Variants in RBBP5 observed in about 807,000 individuals in gnomAD.
The protein encoded by RBBP5 is retinoblastoma-binding protein 5.
RBBP5 carries 5 observed loss-of-function variants against 72.2 expected under a neutral mutation model. The ratio of observed to expected loss-of-function variants is 0.07; its 90% CI spans 0.04 to 0.15. RBBP5 has a LOEUF of 0.15. RBBP5 is among the 10% of genes least tolerant of loss of function. The pLI is 1.00. For synonymous variants in RBBP5, 209 were observed against 237.2 expected, an observed-to-expected ratio of 0.88 and a Z score of 1.09; for missense variants, 322 against 652.2, an observed-to-expected ratio of 0.49 and a Z score of 5.51.
chr1:205,112,601 A>ATGAATGAAT (rs1169354552), intron 3 of RBBP5, among the ~76,000 whole-genome samples: 2 of 152,180 alleles, frequency 1.3e-5, no homozygotes, highest in African/African-American at 4.8e-5. Flanking sequence ...GAATAAATGA[A>ATGAATGAAT]TGAATGAATA....
chr1:205,105,149 T>C lies in RBBP5; in HGVS notation c.238A>G (p.Lys80Glu). 1.2e-6 allele frequency: 2 copies of C among 1,612,670 alleles called. No individual in the cohort carries two copies. The highest frequency in any genetic ancestry group is 1.7e-6 in the Non-Finnish European group (2 of 1,179,364). ...TTATCAGTGGAAGCACTCACGAGTT[T>C]ATGACCATCTCGGCTCCAGCTGAGG... ...CSLCWSRDGH[K>E]LVSASTDNIV... Residue 80 changes from lysine (K) to glutamate (E), a missense_variant, in exon 4 of 14, where the codon AAA (lysine) becomes GAA (glutamate). Lys to Glu is a moderately conservative substitution (Grantham distance 56). This residue lies in a region of RBBP5 where 161 missense variants were observed against 327.8 expected (regional missense o/e 0.49). Transcript: ENST00000264515.
At chr1:205,104,231 AAAGT>A (rs1655959505) in intron 4 of RBBP5, among the ~76,000 whole-genome samples, 1 of 152,216 alleles carries the variant, frequency 6.6e-6, no homozygotes, top group African/African-American at 2.4e-5. Flanking sequence ...TCATTAAAAA[AAAGT>A]AAGAGGCCAG....
At chr1:205,103,764 CAAG>C in intron 5 of RBBP5, 90 bp downstream of exon 5, 3 of 1,465,324 alleles carry the variant, frequency 2.0e-6, no homozygotes, top group Non-Finnish European at 2.8e-6. Flanking sequence ...GTGCTTAGTC[CAAG>C]AATAAAAACA....
intron 3 of RBBP5, among the ~76,000 whole-genome samples, chr1:205,106,128 A>G (rs1228735771): frequency 6.6e-6 from 1 of 152,220 alleles, no homozygotes; most frequent in Non-Finnish European, 1.5e-5. Context: ...CTTCCCAGAC[A>G]GGATGTTATC....
At chr1:205,118,043 C>G (rs1656594604) in intron 1 of RBBP5, among the ~76,000 whole-genome samples, 1 of 151,890 alleles carries the variant, frequency 6.6e-6, no homozygotes, top group African/African-American at 2.4e-5. Flanking sequence ...CTCCTGACCT[C>G]AGGTGATCCA....
At chr1:205,103,250 T>C (rs1023733604) in intron 5 of RBBP5, among the ~76,000 whole-genome samples, 1 of 134,680 alleles carries the variant, frequency 7.4e-6, no homozygotes, top group Non-Finnish European at 1.6e-5. Context: ...AAAGGAAAAA[T>C]TGCCTTTCTA....
At position 205,121,908 on chromosome 1, in the gene RBBP5, G is replaced by GA; in HGVS notation, c.-36_-35insT. 6.2e-7 allele frequency: 1 copy of GA among 1,608,258 alleles called. No homozygotes were observed. The highest frequency in any genetic ancestry group is 8.5e-7 in the Non-Finnish European group (1 of 1,179,886). On this transcript the variant is annotated 5_prime_UTR_variant, in exon 1 of 14. Transcript: ENST00000264515. ...CTGTGGCCGCCCGGTCTCAGCTCCGGCAACAACACCTTCTCCCCGGCCGGC... is the reference window on the plus strand; with the variant it reads ...CTGTGGCCGCCCGGTCTCAGCTCCGGACAACAACACCTTCTCCCCGGCCGGC...
At chr1:205,101,214 A>G (rs1312755644) in intron 6 of RBBP5, among the ~76,000 whole-genome samples, 5 of 152,216 alleles carry the variant, frequency 3.3e-5, no homozygotes, top group Non-Finnish European at 5.9e-5. Context: ...CTAACTAGGT[A>G]ACCAAACCTA....
At chr1:205,097,012 G>A in intron 11 of RBBP5, 101 bp from the exon 12 acceptor site, 1 of 1,037,794 alleles carries the variant, frequency 9.6e-7, no homozygotes. Flanking sequence ...TAAGCAACAG[G>A]TATGGATCTA....
chr1:205,121,978 C>G lies in RBBP5; in HGVS notation c.-105G>C, dbSNP rs1656756838. 1 of 1,539,284 alleles carries G rather than the reference C, an allele frequency of 6.5e-7. No individual in the cohort carries two copies. Among genetic ancestry groups the G allele is most frequent in the Non-Finnish European group, 8.8e-7 (1 of 1,134,834 alleles). Reference sequence around the variant, plus strand: ...GTGGTGGACGCCGCGAAGAGACTGGCGCAAGCTCCGAAGACTTTCGGCCTT... The same window carrying G: ...GTGGTGGACGCCGCGAAGAGACTGGGGCAAGCTCCGAAGACTTTCGGCCTT... On this transcript the variant is annotated 5_prime_UTR_variant, in exon 1 of 14. Coordinates refer to ENST00000264515, the MANE Select transcript of RBBP5 (RefSeq NM_005057.4).
Position 205,099,959 on chromosome 1 carries a change from C to T in RBBP5, c.858G>A (p.Leu286=). 6.2e-7 allele frequency: 1 copy of T among 1,614,152 alleles called. No homozygotes were observed. Among genetic ancestry groups the T allele is most frequent in the African/African-American group, 1.3e-5 (1 of 75,044 alleles). The change falls in exon 8 of 14, where the codon CTG becomes CTA. Residue 286 remains leucine, a synonymous_variant. Transcript: ENST00000264515. The surrounding 1 kb of genome is among the most constrained non-coding windows in gnomAD (Gnocchi z 4.7). ...LYIWEKSIGN[L]VKILHGTRGE... is the part of the protein sequence containing the mutation. ...CTCTCGTCCCATGGAGAATCTTCAC[C>T]AGGTTGCCAATGCTCTTCTCCCAGA...
At chr1:205,111,874 A>G (rs905079882) in intron 3 of RBBP5, among the ~76,000 whole-genome samples, 3 of 151,816 alleles carry the variant, frequency 2.0e-5, no homozygotes, top group African/African-American at 7.2e-5. Flanking sequence ...CTCTTGTCAT[A>G]TCGTATGTCC....
chr1:205,090,684 A>G (rs1655309958), intron 13 of RBBP5, among the ~76,000 whole-genome samples: 1 of 152,208 alleles, frequency 6.6e-6, no homozygotes, highest in Non-Finnish European at 1.5e-5. Flanking sequence ...ATTCAGCTCA[A>G]AATGACCAGC....
rs1055391210 is a variant in RBBP5 at position 205,086,364 on chromosome 1, G to C, written c.*2423C>G. 1 of 151,324 alleles carries C rather than the reference G, an allele frequency of 6.6e-6. No individual in the cohort carries two copies. The highest frequency in any genetic ancestry group is 2.4e-5 in the African/African-American group (1 of 41,060). The allele number at this position is 151,324 out of a possible 1,614,324, so 9.4% of individuals were successfully genotyped here. ...CAATTCTCCTGCCTCAGCCTCCCGA[G>C]TAGCTAGGATTACAGGTGCCCGCCA... On this transcript the variant is annotated 3_prime_UTR_variant, in exon 14 of 14. Transcript: ENST00000264515.
At chr1:205,089,997 G>A (rs1392226933) in intron 13 of RBBP5, among the ~76,000 whole-genome samples, 3 of 152,126 alleles carry the variant, frequency 2.0e-5, no homozygotes, top group East Asian at 1.9e-4. Flanking sequence ...GATTATAGGC[G>A]CCCACCACCA....
chr1:205,093,480 ATATATATATATATATATATATATATATAT>A lies in RBBP5; in HGVS notation c.1588+1364_1588+1392del, dbSNP rs1655458851. Among the ~76,000 whole-genome samples, 40 of 7,772 alleles carry A rather than the reference ATATATATATATATATATATATATATATAT, an allele frequency of 5.1e-3. 6 individuals carry two copies. The highest frequency in any genetic ancestry group is 9.2e-3 in the African/African-American group (34 of 3,710). 5.1% of individuals were successfully genotyped at this position (7,772 alleles called of 152,430 possible). A position where few individuals can be genotyped will look rare whatever the true frequency, so the allele number is the denominator to read the frequency against. On this transcript the variant is annotated intron_variant, in intron 13 of 13. Coordinates refer to ENST00000264515, the MANE Select transcript of RBBP5 (RefSeq NM_005057.4). ...TTTCAAAAAAAAAAAAAAAAAAAAA[ATATATATATATATATATATATATATATAT>A]ATATATATATATATATATATATATA...
chr1:205,120,745 G>A lies in RBBP5; in HGVS notation c.19+1110C>T, dbSNP rs551464747. On this transcript the variant is annotated intron_variant, in intron 1 of 13. Coordinates refer to ENST00000264515, the MANE Select transcript of RBBP5 (RefSeq NM_005057.4). ...TGCAGTGAGCCAAGACTGTGCCACT[G>A]CACTCCAGCCTAGGCGACGGCGCGA... Among the ~76,000 whole-genome samples, 24 of 151,542 alleles carry A rather than the reference G, an allele frequency of 1.6e-4. 1 individual carries two copies. The highest frequency in any genetic ancestry group is 3.4e-3 in the Middle Eastern group (1 of 294).
chr1:205,102,091 T>G (rs545396660), intron 5 of RBBP5, among the ~76,000 whole-genome samples: 1 of 152,272 alleles, frequency 6.6e-6, no homozygotes, highest in East Asian at 1.9e-4. Context: ...AGACAGGGTT[T>G]CTTCATGTTG....
At chr1:205,093,479 AATATATATATATATATATAT>A (rs1204598107) in intron 13 of RBBP5, among the ~76,000 whole-genome samples, 1 of 7,844 alleles carries the variant, frequency 1.3e-4, no homozygotes, top group Non-Finnish European at 3.1e-4. Flanking sequence ...AAAAAAAAAA[AATATATATATATATATATAT>A]ATATATATAT....
Sources: allele counts gnomAD v4.1 joint callset (sites outside exome capture counted in the v4.1 genomes callset), GRCh38; gene constraint gnomAD v4.1.1; regional missense constraint gnomAD v4.1.1; non-coding constraint Gnocchi (gnomAD v3.1); transcripts MANE v1.5; gene names NCBI Gene and HGNC (gene_info 2026-07-23, HGNC 2026-07-21).